Variants in MAPK10 observed in about 807,000 individuals in gnomAD.
MAPK10 encodes the protein JNK3 alpha protein kinase.
In MAPK10, 25 loss-of-function variants were observed where a neutral mutation model predicts 59.3. The observed-to-expected ratio is 0.42, with a 90% confidence interval of 0.31 to 0.59. The LOEUF (loss-of-function observed/expected upper bound fraction) is 0.59. Among genes scored for constraint, MAPK10 ranks in the 20% least tolerant of loss-of-function variants. The pLI, the probability that MAPK10 is intolerant of heterozygous loss-of-function variation, is 0.15. For synonymous variants in MAPK10, 190 were observed against 200.5 expected, an observed-to-expected ratio of 0.95 and a Z score of 0.44; for missense variants, 351 against 568.9, an observed-to-expected ratio of 0.62 and a Z score of 3.90.
intron 9 of MAPK10, among the ~76,000 whole-genome samples, chr4:86,077,729 A>G (rs2049804202): frequency 2.0e-5 from 3 of 152,204 alleles, no homozygotes; most frequent in Admixed American, 2.0e-4. Flanking sequence ...CAATTTAAAG[A>G]ACATCAGTGT....
At chr4:86,527,230 T>G (rs1274197529) in intron 1 of MAPK10, among the ~76,000 whole-genome samples, 1 of 146,152 alleles carries the variant, frequency 6.8e-6, no homozygotes, top group Admixed American at 7.1e-5. Context: ...GAGGATCACT[T>G]GAGCCTGGGA....
chr4:86,390,646 G>C (rs1315038488), intron 1 of MAPK10, among the ~76,000 whole-genome samples: 1 of 152,228 alleles, frequency 6.6e-6, no homozygotes, highest in African/African-American at 2.4e-5. Context: ...CTGGCACTTT[G>C]AGAGTTGTTG....
intron 1 of MAPK10, among the ~76,000 whole-genome samples, chr4:86,431,040 G>A (rs1747974796): frequency 6.6e-6 from 1 of 151,548 alleles, no homozygotes; most frequent in Non-Finnish European, 1.5e-5. Flanking sequence ...TAGAAAAGAT[G>A]GTAGAAAAGA....
chr4:86,102,675 C>A (rs564378551), intron 6 of MAPK10, among the ~76,000 whole-genome samples: 1 of 152,118 alleles, frequency 6.6e-6, no homozygotes, highest in Non-Finnish European at 1.5e-5. Flanking sequence ...TGCATGCCAC[C>A]ACACCTGGAT....
At chr4:86,090,689 C>T (rs1199048510) in intron 9 of MAPK10, 1 of 152,072 alleles carries the variant, frequency 6.6e-6, no homozygotes, top group Non-Finnish European at 1.5e-5. Flanking sequence ...TCCAAGTATT[C>T]CTATCATACT....
intron 3 of MAPK10, among the ~76,000 whole-genome samples, chr4:86,173,883 C>T (rs2075017834): frequency 6.6e-6 from 1 of 152,076 alleles, no homozygotes; most frequent in Non-Finnish European, 1.5e-5. Context: ...AAGCTCGTCA[C>T]TGATTATTAG....
In MAPK10 at chr4:86,027,495, T is replaced by C. The variant is rs1045541579; in HGVS notation, c.1252+1702A>G. On this transcript the variant is annotated intron_variant, in intron 13 of 13. Coordinates refer to ENST00000641462, the MANE Select transcript of MAPK10 (RefSeq NM_138982.4). ...AAAAAATGCCAATAGCAAGAATTTA[T>C]ATACTTTATGCTTGGCCTGTTTATC... is the stretch of plus-strand genomic sequence containing the variant. 1.3e-5 allele frequency: 2 copies of C among 152,236 alleles called. 1 individual carries two copies. The highest frequency in any genetic ancestry group is 3.8e-4 in the East Asian group (2 of 5,204). The allele number at this position is 152,236 out of a possible 1,614,324, so 9.4% of individuals were successfully genotyped here.
chr4:86,070,624 G>A (rs1287104502), intron 9 of MAPK10, among the ~76,000 whole-genome samples: 1 of 143,916 alleles, frequency 6.9e-6, no homozygotes, highest in Non-Finnish European at 1.5e-5. Context: ...TCCCACCTAT[G>A]AGTGAGAATA....
intron 2 of MAPK10, among the ~76,000 whole-genome samples, chr4:86,275,446 C>G (rs1363017858): frequency 6.6e-6 from 1 of 151,934 alleles, no homozygotes; most frequent in East Asian, 1.9e-4. Flanking sequence ...TGGCTCATAC[C>G]AGGAATATTA....
chr4:86,203,188 T>C (rs2083034430), intron 2 of MAPK10, among the ~76,000 whole-genome samples: 1 of 152,018 alleles, frequency 6.6e-6, no homozygotes, highest in Admixed American at 6.6e-5. Context: ...TGAGCATTTC[T>C]TGCTATGCTA....
At chr4:86,142,489 G>A (rs1402152961) in intron 4 of MAPK10, among the ~76,000 whole-genome samples, 4 of 152,114 alleles carry the variant, frequency 2.6e-5, no homozygotes, top group Non-Finnish European at 1.5e-5. Context: ...TCAAGACACT[G>A]TGATAGGTCT....
At chr4:86,454,880 A>G (rs1446519449), upstream of MAPK10, among the ~76,000 whole-genome samples, 1 of 152,182 alleles carries the variant, frequency 6.6e-6, no homozygotes, top group East Asian at 1.9e-4. Context: ...GATGTAAGGC[A>G]AAAATACCAG....
chr4:86,365,431 CAAAAAAAAAAAAAAAAAAAAA>C (rs70948789), intron 1 of MAPK10, among the ~76,000 whole-genome samples: 27 of 32,450 alleles, frequency 8.3e-4, no homozygotes, highest in South Asian at 2.4e-3. Flanking sequence ...GACTCTGTCT[CAAAAAAAAAAAAAAAAAAAAA>C]AAAAAAAAAA....
chr4:86,590,657 G>A (rs1305628504), intron 1 of MAPK10, among the ~76,000 whole-genome samples: 2 of 151,988 alleles, frequency 1.3e-5, no homozygotes, highest in Admixed American at 6.6e-5. Flanking sequence ...ATGGTGGTGT[G>A]CACCTGTAGT....
chr4:86,521,768 G>A (rs1405406004), intron 1 of MAPK10, among the ~76,000 whole-genome samples: 1 of 151,954 alleles, frequency 6.6e-6, no homozygotes, highest in Non-Finnish European at 1.5e-5. Flanking sequence ...GCTGCTTCCT[G>A]CCTGCCCACG....
At chr4:86,277,773 C>T (rs2094636592) in intron 2 of MAPK10, among the ~76,000 whole-genome samples, 1 of 152,102 alleles carries the variant, frequency 6.6e-6, no homozygotes, top group South Asian at 2.1e-4. Flanking sequence ...TATTTTCCTA[C>T]CTTTAGCCAC....
intron 1 of MAPK10, chr4:86,383,999 C>T (rs1395664530): frequency 6.6e-6 from 1 of 152,180 alleles, no homozygotes; most frequent in African/African-American, 2.4e-5. Flanking sequence ...TCATTTCTTT[C>T]ATCCTACATT....
intron 3 of MAPK10, among the ~76,000 whole-genome samples, chr4:86,171,967 G>A (rs528883391): frequency 1.8e-3 from 269 of 149,698 alleles, no homozygotes; most frequent in African/African-American, 6.6e-3. Flanking sequence ...AAAGACACAT[G>A]AAAAAATGCT....
At chr4:86,103,857 A>G (rs1308473756) in intron 5 of MAPK10, among the ~76,000 whole-genome samples, 1 of 152,030 alleles carries the variant, frequency 6.6e-6, no homozygotes, top group Non-Finnish European at 1.5e-5. Context: ...TTTATTTTAT[A>G]TATCAGCTAG....
Sources: allele counts gnomAD v4.1 joint callset (sites outside exome capture counted in the v4.1 genomes callset), GRCh38; gene constraint gnomAD v4.1.1; transcripts MANE v1.5; gene names NCBI Gene and HGNC (gene_info 2026-07-23, HGNC 2026-07-21).